The following COL4A4 variants were observed in gnomAD, a reference collection of about 807,000 sequenced individuals.
COL4A4 encodes collagen type IV alpha 4 chain, also known as collagen alpha-4(IV) chain.
COL4A4 carries 105 observed loss-of-function variants against 192.9 expected under a neutral mutation model. The ratio of observed to expected loss-of-function variants is 0.54; its 90% CI spans 0.46 to 0.64. The LOEUF (loss-of-function observed/expected upper bound fraction) is 0.64. Among genes scored for constraint, COL4A4 ranks in the 30% least tolerant of loss-of-function variants. COL4A4 has a pLI of 0.00. For synonymous variants in COL4A4, 762 were observed against 769.9 expected (o/e 0.99, Z 0.17); for missense variants, 1,967 against 2,169.3 (o/e 0.91, Z 1.85).
rs1478671555 is a variant in COL4A4 at position 227,006,637 on chromosome 2, T to G, written c.*688A>C. ...AAAAATGCAGAAGAGAACATAATGT[T>G]TTATATTCATCTGTGATGTGTTTAT... On this transcript the variant is annotated 3_prime_UTR_variant, in exon 48 of 48. Coordinates refer to ENST00000396625, the MANE Select transcript of COL4A4 (RefSeq NM_000092.5). 1 of 152,334 alleles carries G rather than the reference T, an allele frequency of 6.6e-6. No individual in the cohort carries two copies. Among genetic ancestry groups the G allele is most frequent in the Admixed American group, 6.5e-5 (1 of 15,294 alleles). 9.4% of individuals were successfully genotyped at this position (152,334 alleles called of 1,614,324 possible). A position where few individuals can be genotyped will look rare whatever the true frequency, so the allele number is the denominator to read the frequency against.
In COL4A4 at chr2:227,003,484, T is replaced by C. The variant is rs1961452023; in HGVS notation, c.*3841A>G. 6.6e-6 allele frequency: 1 copy of C among 152,212 alleles called. No homozygotes were observed. Among genetic ancestry groups the C allele is most frequent in the African/African-American group, 2.4e-5 (1 of 41,458 alleles). The allele number at this position is 152,212 out of a possible 1,614,324, so 9.4% of individuals were successfully genotyped here. On this transcript the variant is annotated 3_prime_UTR_variant, in exon 48 of 48. Coordinates refer to ENST00000396625, the MANE Select transcript of COL4A4 (RefSeq NM_000092.5). ...TCAAGTCCTCTTCTTTCCACTATTCTTGCAGCCATACCAAGTAAAAGTAAC... is the reference window on the plus strand; with the variant it reads ...TCAAGTCCTCTTCTTTCCACTATTCCTGCAGCCATACCAAGTAAAAGTAAC...
rs1420728543 is a variant in COL4A4, at chr2:227,070,565, T to C, written c.1987+7329A>G. ...TAAAAAACAATGAGTGCATGTCCTT[T>C]GTAGGGACATGGATGAAACTGGAAA... On this transcript the variant is annotated intron_variant, in intron 25 of 47. Coordinates refer to ENST00000396625, the MANE Select transcript of COL4A4 (RefSeq NM_000092.5). Among the ~76,000 whole-genome samples, 12 of 152,066 alleles carry C rather than the reference T, an allele frequency of 7.9e-5. 1 individual carries two copies. Among genetic ancestry groups the C allele is most frequent in the Admixed American group, 6.5e-4 (10 of 15,268 alleles).
intron 12 of COL4A4, among the ~76,000 whole-genome samples, chr2:227,107,476 A>G (rs2060915699): frequency 6.6e-6 from 1 of 152,192 alleles, no homozygotes; most frequent in Non-Finnish European, 1.5e-5. Flanking sequence ...GTTCAGCATT[A>G]TATCACAGGC....
rs542697318 is a variant in COL4A4, at chr2:227,006,787, C to G, written c.*538G>C. ...TTTTTTTTCTTCTTTAAAAAAAAAT[C>G]TCTCTTTGCGTCATGGTTTTACCAT... On this transcript the variant is annotated 3_prime_UTR_variant, in exon 48 of 48. Transcript: ENST00000396625. 6.5e-6 allele frequency: 1 copy of G among 153,420 alleles called. No individual in the cohort carries two copies. Among genetic ancestry groups the G allele is most frequent in the Non-Finnish European group, 1.4e-5 (1 of 69,196 alleles). The allele number at this position is 153,420 out of a possible 1,614,324, so 9.5% of individuals were successfully genotyped here. A position where few individuals can be genotyped will look rare whatever the true frequency, so the allele number is the denominator to read the frequency against.
the COL4A4 span, among the ~76,000 whole-genome samples, chr2:226,990,571 G>A: frequency 6.0e-4 from 91 of 152,266 alleles, no homozygotes; most frequent in Middle Eastern, 3.4e-3. Flanking sequence ...GAACGGTAGG[G>A]AAAATGGCCA....
At chr2:227,055,524 A>T (rs1207926187) in intron 30 of COL4A4, among the ~76,000 whole-genome samples, 3 of 151,868 alleles carry the variant, frequency 2.0e-5, no homozygotes, top group Non-Finnish European at 4.4e-5. Flanking sequence ...TAAAATAAAA[A>T]AATAAAATAA....
At chr2:227,045,966 T>TG (rs1559489750) in intron 35 of COL4A4, among the ~76,000 whole-genome samples, 6 of 44,052 alleles carry the variant, frequency 1.4e-4, no homozygotes, top group East Asian at 6.5e-4. Context: ...TATGTATATA[T>TG]TTATATGTGT....
chr2:227,000,972 G>A (rs577178371), downstream of COL4A4, among the ~76,000 whole-genome samples: 9 of 152,232 alleles, frequency 5.9e-5, no homozygotes, highest in East Asian at 1.9e-4. Context: ...CCCCAGGCAC[G>A]TGGAATTGTA....
intron 37 of COL4A4, among the ~76,000 whole-genome samples, chr2:227,038,298 T>C (rs1970094611): frequency 6.6e-6 from 1 of 152,244 alleles, no homozygotes. Context: ...TAGCCAGTTT[T>C]TCCAACACCA....
At chr2:227,041,923 A>AGAAAG (rs1971541675) in intron 37 of COL4A4, among the ~76,000 whole-genome samples, 1 of 151,508 alleles carries the variant, frequency 6.6e-6, no homozygotes, top group Non-Finnish European at 1.5e-5. Flanking sequence ...AGAAAGAAAG[A>AGAAAG]AAATGGTAGC....
Position 227,057,517 on chromosome 2 carries a change from G to C in COL4A4, c.2467C>G (p.Pro823Ala). 1 of 1,613,686 alleles carries C rather than the reference G, an allele frequency of 6.2e-7. No individual in the cohort carries two copies. Among genetic ancestry groups the C allele is most frequent in the Non-Finnish European group, 8.5e-7 (1 of 1,179,830 alleles). Reference sequence around the variant, plus strand: ...CCTCTTTCACAGGAATGGCCAGGTGGACCTGGGACACCTGGAAACCCAGCA... The same window carrying C: ...CCTCTTTCACAGGAATGGCCAGGTGCACCTGGGACACCTGGAAACCCAGCA... Reference protein sequence around the residue: ...GHAGFPGVPGPPGHSCERGAP... With the variant: ...GHAGFPGVPGAPGHSCERGAP... The change falls in exon 29 of 48, where the codon CCA (proline) becomes GCA (alanine). Residue 823 changes from proline to alanine, a missense_variant. Pro to Ala is a conservative substitution (Grantham distance 27, BLOSUM62 -1). Transcript: ENST00000396625.
intron 24 of COL4A4, among the ~76,000 whole-genome samples, chr2:227,078,917 A>G (rs187708855): frequency 6.6e-6 from 1 of 152,356 alleles, no homozygotes; most frequent in Admixed American, 6.5e-5. Context: ...TGCTTATAGT[A>G]AAATCAATCC....
intron 41 of COL4A4, among the ~76,000 whole-genome samples, chr2:227,028,250 CAATGAAAAG>C (rs1165082665): frequency 1.3e-5 from 2 of 152,122 alleles, no homozygotes; most frequent in African/African-American, 4.8e-5. Flanking sequence ...GACCAAATTA[CAATGAAAAG>C]AAGTCCTATA....
chr2:227,054,785 T>C (rs1298545918), intron 30 of COL4A4, 48 bp from the exon 31 acceptor site: 1 of 1,561,154 alleles, frequency 6.4e-7, no homozygotes, highest in Non-Finnish European at 8.7e-7. Context: ...TTATTTGTTA[T>C]TTATTTTTTC....
At chr2:227,131,079 T>C (rs1413558771) in intron 4 of COL4A4, among the ~76,000 whole-genome samples, 1 of 151,886 alleles carries the variant, frequency 6.6e-6, no homozygotes, top group Non-Finnish European at 1.5e-5. Flanking sequence ...ATAAATCCAA[T>C]CTGCTTCTTC....
At chr2:227,063,562 T>C (rs1326818422) in intron 25 of COL4A4, among the ~76,000 whole-genome samples, 1 of 152,112 alleles carries the variant, frequency 6.6e-6, no homozygotes, top group Non-Finnish European at 1.5e-5. Context: ...ATATATATAA[T>C]ACATGTTACA....
chr2:227,092,661 T>A (rs2060001718), intron 20 of COL4A4, among the ~76,000 whole-genome samples: 1 of 152,152 alleles, frequency 6.6e-6, no homozygotes, highest in Non-Finnish European at 1.5e-5. Flanking sequence ...ACAAGACAAT[T>A]GACAAGATGT....
In COL4A4 at chr2:227,005,343, A is replaced by C. The variant is rs1961870174; in HGVS notation, c.*1982T>G. ...TTACCTCTTCCCAGAAAATGTTCTC[A>C]GGCCAAGTTCAAGATGAACAGGTTG... On this transcript the variant is annotated 3_prime_UTR_variant, in exon 48 of 48. Transcript: ENST00000396625. 6.6e-6 allele frequency: 1 copy of C among 152,190 alleles called. No individual in the cohort carries two copies. Among genetic ancestry groups the C allele is most frequent in the Admixed American group, 6.5e-5 (1 of 15,278 alleles). The allele number at this position is 152,190 out of a possible 1,614,324, so 9.4% of individuals were successfully genotyped here.
chr2:226,984,317 T>C, the COL4A4 span, among the ~76,000 whole-genome samples: 2 of 152,230 alleles, frequency 1.3e-5, no homozygotes, highest in East Asian at 3.8e-4. Context: ...GGCTAGAAGT[T>C]CCAGGTACTA....
Sources: gnomAD v4.1 joint callset for allele counts (sites outside exome capture counted in the v4.1 genomes callset) on GRCh38, gnomAD v4.1.1 for gene constraint, MANE v1.5 for transcripts, NCBI Gene and HGNC (gene_info 2026-07-23, HGNC 2026-07-21) for gene names.